C2orf49: variants seen among roughly 807,000 people sequenced by gnomAD.
The protein encoded by C2orf49 is tRNA splicing ligase complex subunit 2.
A neutral mutation model predicts 20.6 loss-of-function variants in C2orf49; 11 were observed. That is an observed-to-expected ratio of 0.53 (90% confidence interval 0.34 to 0.88). C2orf49 has a LOEUF of 0.88. Among genes scored for constraint, C2orf49 ranks in the 40% least tolerant of loss-of-function variants. The probability of loss-of-function intolerance (pLI) is 0.02; values close to 1 mark genes in which losing one functional copy is unlikely to be tolerated. For synonymous variants in C2orf49, 134 were observed against 108.5 expected, an observed-to-expected ratio of 1.24 and a Z score of -1.46; for missense variants, 289 against 274.2, an observed-to-expected ratio of 1.05 and a Z score of -0.38.
At chr2:105,353,385 T>G (rs888034443), downstream of C2orf49, among the ~76,000 whole-genome samples, 1 of 152,226 alleles carries the variant, frequency 6.6e-6, no homozygotes, top group Admixed American at 6.5e-5. Context: ...TCTGCTCTTA[T>G]TTTTATAATG....
At chr2:105,338,566 G>T (rs1481713783) in intron 1 of C2orf49, among the ~76,000 whole-genome samples, 1 of 152,262 alleles carries the variant, frequency 6.6e-6, no homozygotes, top group South Asian at 2.1e-4. Context: ...TGCTGGCCCA[G>T]AAAGCATGCT....
chr2:105,374,539 G>A, the C2orf49 span: 1 of 152,170 alleles, frequency 6.6e-6, no homozygotes, highest in African/African-American at 2.4e-5. Flanking sequence ...GGAGTGGAGG[G>A]GCGTGAGGGT....
the C2orf49 span, among the ~76,000 whole-genome samples, chr2:105,365,110 G>A: frequency 1.1e-4 from 17 of 152,114 alleles, no homozygotes; most frequent in Admixed American, 1.1e-3. Context: ...CTAACTCAAT[G>A]CCTCTGAGCA....
chr2:105,339,744 T>C lies in C2orf49; in HGVS notation c.261T>C (p.Thr87=). ...AACAACATGAGATTAAAAATGAGAC[T>C]AAAAGGTACTTTTTGGTGGTTCTAG... ...KREQHEIKNE[T]KRSSTVDGLR... The change falls in exon 2 of 4, where the codon ACT becomes ACC. Residue 87 remains threonine (T), a synonymous_variant. Transcript: ENST00000258457. 1 of 1,585,614 alleles carries C rather than the reference T, an allele frequency of 6.3e-7. No homozygotes were observed. The highest frequency in any genetic ancestry group is 8.5e-7 in the Non-Finnish European group (1 of 1,171,928).
At chr2:105,352,665 C>T (rs375607986), downstream of C2orf49, among the ~76,000 whole-genome samples, 2 of 151,838 alleles carry the variant, frequency 1.3e-5, no homozygotes, top group African/African-American at 2.4e-5. Context: ...AGGATGTTCT[C>T]GATCTCCTGA....
At chr2:105,373,123 TCA>T in the C2orf49 span, among the ~76,000 whole-genome samples, 1 of 152,268 alleles carries the variant, frequency 6.6e-6, no homozygotes, top group South Asian at 2.1e-4. Flanking sequence ...GCACCTCGGC[TCA>T]CACCCTACGA....
chr2:105,355,331 T>G, the C2orf49 span, among the ~76,000 whole-genome samples: 1 of 152,132 alleles, frequency 6.6e-6, no homozygotes, highest in Non-Finnish European at 1.5e-5. Flanking sequence ...ACTCTGGAAA[T>G]GACTGGGAAG....
the C2orf49 span, among the ~76,000 whole-genome samples, chr2:105,368,300 C>CTGTA: frequency 6.6e-6 from 1 of 152,302 alleles, no homozygotes; most frequent in Non-Finnish European, 1.5e-5. Context: ...GTTTTATGCA[C>CTGTA]TGTACTAAGT....
intron 2 of C2orf49, among the ~76,000 whole-genome samples, chr2:105,341,976 C>T (rs1280228516): frequency 1.3e-5 from 2 of 152,186 alleles, no homozygotes; most frequent in Non-Finnish European, 2.9e-5. Flanking sequence ...AGTTCAAGAC[C>T]AGCCTGGCCA....
the C2orf49 span, among the ~76,000 whole-genome samples, chr2:105,372,957 C>G: frequency 6.6e-6 from 1 of 152,150 alleles, no homozygotes; most frequent in Non-Finnish European, 1.5e-5. Flanking sequence ...ACAAATAACT[C>G]CCCCCACATA....
chr2:105,373,966 G>A, the C2orf49 span: 1 of 562,158 alleles, frequency 1.8e-6, no homozygotes. Flanking sequence ...GTGCATGTAT[G>A]CACATGTCTG....
At chr2:105,373,878 G>C in the C2orf49 span, 1 of 681,810 alleles carries the variant, frequency 1.5e-6, no homozygotes, top group Non-Finnish European at 2.5e-6. Flanking sequence ...CATGCCCCAG[G>C]ACCACCTAAC....
In C2orf49 at chr2:105,346,619, C is replaced by T. The variant is rs1558668787; in HGVS notation, c.*1248C>T. 1 of 152,126 alleles carries T rather than the reference C, an allele frequency of 6.6e-6. No individual in the cohort carries two copies. Among genetic ancestry groups the T allele is most frequent in the Non-Finnish European group, 1.5e-5 (1 of 68,040 alleles). 9.4% of individuals were successfully genotyped at this position (152,126 alleles called of 1,614,324 possible). A position where few individuals can be genotyped will look rare whatever the true frequency, so the allele number is the denominator to read the frequency against. On this transcript the variant is annotated 3_prime_UTR_variant, in exon 4 of 4. Coordinates refer to ENST00000258457, the MANE Select transcript of C2orf49 (RefSeq NM_024093.3). ...ATAAGAGTCCAGGAAGCATAGCAGTCAGGGGCAAAAATTAGCGTAATATGG... is the reference window on the plus strand; with the variant it reads ...ATAAGAGTCCAGGAAGCATAGCAGTTAGGGGCAAAAATTAGCGTAATATGG...
the C2orf49 span, chr2:105,378,009 TGA>T: frequency 1.1e-5 from 5 of 463,722 alleles, no homozygotes; most frequent in Admixed American, 7.3e-5. Flanking sequence ...CAAGAAAAAC[TGA>T]GAGAGAAATC....
the C2orf49 span, among the ~76,000 whole-genome samples, chr2:105,385,002 G>C: frequency 1.3e-5 from 2 of 152,220 alleles, no homozygotes; most frequent in African/African-American, 4.8e-5. Flanking sequence ...CACGCAGCAG[G>C]CAAGACAGGA....
chr2:105,365,454 A>G, the C2orf49 span, among the ~76,000 whole-genome samples: 5 of 152,248 alleles, frequency 3.3e-5, no homozygotes, highest in Non-Finnish European at 5.9e-5. Context: ...CTGCAAATGA[A>G]TAAAGCACAC....
At chr2:105,367,503 T>C in the C2orf49 span, 1 of 1,487,282 alleles carries the variant, frequency 6.7e-7, no homozygotes, top group African/African-American at 1.4e-5. Context: ...GAAAGAGAAC[T>C]GACAGACATG....
At chr2:105,372,752 G>A in the C2orf49 span, among the ~76,000 whole-genome samples, 1 of 151,772 alleles carries the variant, frequency 6.6e-6, no homozygotes, top group Non-Finnish European at 1.5e-5. Flanking sequence ...TTGCACCACT[G>A]AACCACATTG....
downstream of C2orf49, among the ~76,000 whole-genome samples, chr2:105,350,116 A>C (rs1679901866): frequency 6.6e-6 from 1 of 152,220 alleles, no homozygotes; most frequent in Admixed American, 6.5e-5. Flanking sequence ...CTGCCGGCTG[A>C]CTAAAGTTGT....
Sources: allele counts gnomAD v4.1 joint callset (sites outside exome capture counted in the v4.1 genomes callset), GRCh38; gene constraint gnomAD v4.1.1; transcripts MANE v1.5; gene names NCBI Gene and HGNC (gene_info 2026-07-23, HGNC 2026-07-21).